The following NUP214 variants were observed in gnomAD, a reference collection of about 807,000 sequenced individuals.
NUP214 encodes the protein nucleoporin 214, also known as nuclear pore complex protein Nup214.
A neutral mutation model predicts 196.2 loss-of-function variants in NUP214; 79 were observed. The ratio of observed to expected loss-of-function variants is 0.40; its 90% CI spans 0.34 to 0.49. The LOEUF (loss-of-function observed/expected upper bound fraction) is 0.49, where lower values mean the gene tolerates loss of function less well. NUP214 is among the 20% of genes least tolerant of loss of function. The probability of loss-of-function intolerance (pLI) is 0.58; values close to 1 mark genes in which losing one functional copy is unlikely to be tolerated. For synonymous variants in NUP214, 1,020 were observed against 990.5 expected, an observed-to-expected ratio of 1.03 and a Z score of -0.56; for missense variants, 2,468 against 2,539.0, an observed-to-expected ratio of 0.97 and a Z score of 0.60.
At position 131,197,434 on chromosome 9, in the gene NUP214, C is replaced by T. The variant is rs1177920965; in HGVS notation, c.3940C>T (p.Pro1314Ser). 3.1e-6 allele frequency: 5 copies of T among 1,614,054 alleles called. No homozygotes were observed. The highest frequency in any genetic ancestry group is 4.2e-6 in the Non-Finnish European group (5 of 1,180,050). Reference protein sequence around the residue: ...STTSSKLETPPSKLGELLFPS... With the variant: ...STTSSKLETPSSKLGELLFPS... ...CACCTCTAGTAAGCTGGAAACCCCA[C>T]CGTCCAAGCTGGGAGAGCTTCTGTT... The change falls in exon 29 of 36, where the codon CCG becomes TCG. Residue 1314 changes from proline (P) to serine (S), a missense_variant. By Grantham distance (74) the Pro-to-Ser change is moderately conservative. Transcript: ENST00000359428.
intron 4 of NUP214, 35 bp from the exon 5 acceptor site, chr9:131,130,731 T>TCTTTTCATTTGGTAATA (rs1588121336): frequency 6.3e-7 from 1 of 1,594,686 alleles, no homozygotes; most frequent in East Asian, 2.2e-5. Flanking sequence ...TGCTCCATTT[T>TCTTTTCATTTGGTAATA]CTTGTTTTCA....
At chr9:131,134,052 T>C (rs1831641683) in intron 7 of NUP214, among the ~76,000 whole-genome samples, 1 of 152,210 alleles carries the variant, frequency 6.6e-6, no homozygotes, top group Admixed American at 6.5e-5. Flanking sequence ...GCTTAAGCCA[T>C]CCTCCTGCCT....
chr9:131,197,877 C>T lies in NUP214; in HGVS notation c.4383C>T (p.Ala1461=). The T allele has an allele frequency of 6.2e-7, 1 of 1,613,788 alleles. No individual in the cohort carries two copies. Among genetic ancestry groups the T allele is most frequent in the South Asian group, 1.1e-5 (1 of 91,072 alleles). ...PPSAPPPTTA[A]TPLPTSFPTL... ...CTGCCCCACCACCAACTACAGCTGCCACTCCCCTTCCAACATCATTCCCCA... is the reference window on the plus strand; with the variant it reads ...CTGCCCCACCACCAACTACAGCTGCTACTCCCCTTCCAACATCATTCCCCA... The change falls in exon 29 of 36, where the codon GCC becomes GCT. Residue 1461 remains alanine (A), a synonymous_variant. Transcript: ENST00000359428.
chr9:131,191,968 G>C, intron 26 of NUP214: 1 of 368,784 alleles, frequency 2.7e-6, no homozygotes, highest in Admixed American at 4.4e-5. Flanking sequence ...TAAAGGAGAA[G>C]ATGGCACACC....
At chr9:131,203,514 G>A (rs1447426341) in intron 30 of NUP214, among the ~76,000 whole-genome samples, 1 of 152,116 alleles carries the variant, frequency 6.6e-6, no homozygotes, top group Admixed American at 6.5e-5. Context: ...TTAATAAAGT[G>A]GTAGGCATAA....
At position 131,182,933 on chromosome 9, in the gene NUP214, T is replaced by A. The variant is rs188134165; in HGVS notation, c.3420-4356T>A. On this transcript the variant is annotated intron_variant, in intron 24 of 35. Transcript: ENST00000359428. ...TATACATCTTCAACTTATCACAGAC[T>A]GTCTTCAAGTGATACTATATTACTA... Among the ~76,000 whole-genome samples the A allele has an allele frequency of 1.9e-3, 295 of 152,338 alleles. 3 individuals carry two copies. Among genetic ancestry groups the A allele is most frequent in the African/African-American group, 6.8e-3 (282 of 41,576 alleles).
intron 21 of NUP214, among the ~76,000 whole-genome samples, chr9:131,172,916 T>C (rs1833000307): frequency 6.6e-6 from 1 of 152,250 alleles, no homozygotes; most frequent in South Asian, 2.1e-4. Flanking sequence ...GTTTGGTTTT[T>C]GTTTTTTCCA....
chr9:131,147,424 C>G, intron 13 of NUP214, 66 bp from the exon 14 acceptor site: 1 of 1,171,592 alleles, frequency 8.5e-7, no homozygotes, highest in Non-Finnish European at 1.2e-6. Context: ...GGAGAAAGGA[C>G]ATTTGTGATA....
chr9:131,164,182 A>G lies in NUP214; in HGVS notation c.2893+38A>G, dbSNP rs1201412538. The G allele has an allele frequency of 2.5e-6, 4 of 1,594,714 alleles. No individual in the cohort carries two copies. In the African/African-American group the frequency reaches 5.4e-5, roughly 21 times the overall value. On this transcript the variant is annotated intron_variant, in intron 21 of 35. Transcript: ENST00000359428. ...AGTAACTGGGCCTGTACATAGTGATAGGGTGTGGTGGGGTGTGTGTGTGTG... is the reference window on the plus strand; with the variant it reads ...AGTAACTGGGCCTGTACATAGTGATGGGGTGTGGTGGGGTGTGTGTGTGTG...
intron 23 of NUP214, among the ~76,000 whole-genome samples, chr9:131,176,465 T>C (rs927623009): frequency 2.6e-5 from 4 of 151,984 alleles, no homozygotes; most frequent in African/African-American, 9.7e-5. Flanking sequence ...TAGCTAGGAC[T>C]ACAGGCATGC....
chr9:131,185,513 C>T (rs1257775657), intron 24 of NUP214, among the ~76,000 whole-genome samples: 6 of 152,194 alleles, frequency 3.9e-5, no homozygotes, highest in South Asian at 2.1e-4. Context: ...TATTTTTCAA[C>T]TCCATATTGC....
intron 17 of NUP214, among the ~76,000 whole-genome samples, chr9:131,153,847 G>A (rs1001360206): frequency 2.2e-4 from 34 of 152,294 alleles, no homozygotes; most frequent in African/African-American, 7.0e-4. Flanking sequence ...CAATTCACTC[G>A]GGTTTGCAAT....
At chr9:131,197,164 G>A in intron 28 of NUP214, 52 bp from the exon 29 acceptor site, 1 of 1,587,804 alleles carries the variant, frequency 6.3e-7, no homozygotes, top group Non-Finnish European at 8.6e-7. Flanking sequence ...GAAATGTAAT[G>A]GGTCATCTTT....
chr9:131,210,550 C>T (rs771254661), intron 30 of NUP214, among the ~76,000 whole-genome samples: 1 of 151,794 alleles, frequency 6.6e-6, no homozygotes, highest in Non-Finnish European at 1.5e-5. Context: ...CCACTTGAAC[C>T]CAGGAGGCAG....
intron 17 of NUP214, among the ~76,000 whole-genome samples, chr9:131,156,467 T>G (rs1832448631): frequency 6.6e-6 from 1 of 152,254 alleles, no homozygotes. Flanking sequence ...TTGTGTCGTT[T>G]CCATTTGTGT....
At position 131,222,858 on chromosome 9, in the gene NUP214, A is replaced by G; in HGVS notation, c.5830A>G (p.Thr1944Ala). The G allele has an allele frequency of 6.2e-7, 1 of 1,614,170 alleles. No homozygotes were observed. The highest frequency in any genetic ancestry group is 1.1e-5 in the South Asian group (1 of 91,082). Residue 1944 changes from threonine (T) to alanine (A), a missense_variant, in exon 32 of 36, where the codon ACT (threonine) becomes GCT (alanine). By Grantham distance (58) the Thr-to-Ala change is moderately conservative. Coordinates refer to ENST00000359428, the MANE Select transcript of NUP214 (RefSeq NM_005085.4). ...ASSSFGEQKP[T>A]GTFSSGGGSV... ...CTCGTCGTTTGGAGAGCAGAAACCC[A>G]CTGGCACTTTCAGCTCTGGAGGAGG...
At chr9:131,207,678 A>G (rs1834122821) in intron 30 of NUP214, among the ~76,000 whole-genome samples, 1 of 152,242 alleles carries the variant, frequency 6.6e-6, no homozygotes, top group Non-Finnish European at 1.5e-5. Flanking sequence ...CTAGAAGAGC[A>G]TATGTGACTA....
Position 131,125,885 on chromosome 9 carries a change from G to T in NUP214, c.45+136G>T. On this transcript the variant is annotated intron_variant, in intron 1 of 35. Transcript: ENST00000359428. This position sits in a 1 kb window ranked among gnomAD's most constrained non-coding sequence, Gnocchi z 4.1. ...TACCGCGTTCACAGCTCTCACCAGC[G>T]CGTCTGCCGCGCCGCTGGCGTGATA... 1 of 1,048,462 alleles carries T rather than the reference G, an allele frequency of 9.5e-7. No individual in the cohort carries two copies. The highest frequency in any genetic ancestry group is 1.4e-6 in the Non-Finnish European group (1 of 717,076). 64.9% of individuals were successfully genotyped at this position (1,048,462 alleles called of 1,614,324 possible). A position where few individuals can be genotyped will look rare whatever the true frequency, so the allele number is the denominator to read the frequency against.
At chr9:131,216,525 C>CT (rs59503012) in intron 31 of NUP214, among the ~76,000 whole-genome samples, 80,245 of 126,158 alleles carry the variant, frequency 0.64, 25,034 homozygotes, top group Admixed American at 0.71. Flanking sequence ...CACGCCCAGG[C>CT]TTTTTTTTTT....
Sources: gnomAD v4.1 joint callset for allele counts (sites outside exome capture counted in the v4.1 genomes callset) on GRCh38, gnomAD v4.1.1 for gene constraint, Gnocchi (gnomAD v3.1) non-coding constraint, MANE v1.5 for transcripts, NCBI Gene and HGNC (gene_info 2026-07-23, HGNC 2026-07-21) for gene names.